Variants in REEP3 observed in about 807,000 individuals in gnomAD.
REEP3 encodes receptor expression-enhancing protein 3.
In REEP3, 20 loss-of-function variants were observed where a neutral mutation model predicts 41.3. That is an observed-to-expected ratio of 0.48 (90% CI 0.34 to 0.70). The LOEUF (loss-of-function observed/expected upper bound fraction) is 0.70. Ranked by LOEUF, REEP3 falls within the 30% of genes least tolerant of loss-of-function variation. The pLI is 0.01. For missense variants in REEP3, 271 were observed against 308.8 expected (o/e 0.88, Z 0.92); for synonymous variants, 104 against 101.8 (o/e 1.02, Z -0.13).
intron 2 of REEP3, among the ~76,000 whole-genome samples, chr10:63,572,499 A>G (rs562146962): frequency 1.2e-4 from 18 of 152,162 alleles, no homozygotes; most frequent in South Asian, 6.2e-4. Flanking sequence ...AGGCCCCAGT[A>G]TGTGATGTTC....
intron 6 of REEP3, among the ~76,000 whole-genome samples, chr10:63,611,772 T>C (rs2133429607): frequency 6.6e-6 from 1 of 150,714 alleles, no homozygotes; most frequent in Non-Finnish European, 1.5e-5. Context: ...GAAAAATATC[T>C]CTGCAAAAAA....
At chr10:63,531,747 C>T (rs779379395) in intron 1 of REEP3, among the ~76,000 whole-genome samples, 4 of 152,084 alleles carry the variant, frequency 2.6e-5, no homozygotes, top group Non-Finnish European at 5.9e-5. Context: ...AGCATCTCCA[C>T]CTGAAAATGG....
intron 2 of REEP3, among the ~76,000 whole-genome samples, chr10:63,584,172 A>G (rs1955981697): frequency 6.6e-6 from 1 of 152,154 alleles, no homozygotes; most frequent in Non-Finnish European, 1.5e-5. Context: ...ATACATTTAT[A>G]TAATGTGAGG....
chr10:63,580,116 G>T (rs577283821), intron 2 of REEP3, among the ~76,000 whole-genome samples: 1 of 152,044 alleles, frequency 6.6e-6, no homozygotes, highest in Admixed American at 6.6e-5. Context: ...TATAATAGCT[G>T]GTTTTCGTTG....
At chr10:63,538,171 C>T (rs1186502092) in intron 1 of REEP3, among the ~76,000 whole-genome samples, 1 of 152,144 alleles carries the variant, frequency 6.6e-6, no homozygotes, top group African/African-American at 2.4e-5. Context: ...GCTTCTGCTT[C>T]TTATTTTTCA....
chr10:63,537,267 T>C (rs1381523897), intron 1 of REEP3, among the ~76,000 whole-genome samples: 2 of 152,226 alleles, frequency 1.3e-5, no homozygotes, highest in East Asian at 1.9e-4. Flanking sequence ...TGATTACCTA[T>C]GGTATGATAG....
intron 5 of REEP3, among the ~76,000 whole-genome samples, chr10:63,609,235 G>A (rs1009479486): frequency 1.4e-5 from 2 of 147,670 alleles, no homozygotes; most frequent in African/African-American, 2.5e-5. Flanking sequence ...GGCGGATCAC[G>A]AGTTCAGGAG....
intron 5 of REEP3, among the ~76,000 whole-genome samples, chr10:63,604,542 T>C (rs1956205508): frequency 6.6e-6 from 1 of 152,192 alleles, no homozygotes; most frequent in African/African-American, 2.4e-5. Context: ...TGTTGAAATC[T>C]AATTAACTTT....
chr10:63,582,678 G>A (rs1456440605), intron 2 of REEP3, among the ~76,000 whole-genome samples: 1 of 152,056 alleles, frequency 6.6e-6, no homozygotes, highest in Non-Finnish European at 1.5e-5. Context: ...CATTTTTTGT[G>A]GCTGGCTCTA....
At chr10:63,550,862 T>A (rs1165619880) in intron 1 of REEP3, among the ~76,000 whole-genome samples, 1 of 152,234 alleles carries the variant, frequency 6.6e-6, no homozygotes, top group Non-Finnish European at 1.5e-5. Flanking sequence ...GGTATTTGCT[T>A]GCTTTCAATG....
intron 5 of REEP3, among the ~76,000 whole-genome samples, chr10:63,601,254 T>C (rs537430001): frequency 2.5e-4 from 38 of 152,312 alleles, no homozygotes; most frequent in African/African-American, 9.1e-4. Context: ...CCATCCATGA[T>C]ACCATCATGA....
chr10:63,562,459 G>A (rs947844310), intron 1 of REEP3: 9 of 426,214 alleles, frequency 2.1e-5, no homozygotes, highest in Admixed American at 8.0e-5. Context: ...GTTTCCCCAC[G>A]TTGGCCAAGC....
At chr10:63,574,159 G>A (rs899034865) in intron 2 of REEP3, among the ~76,000 whole-genome samples, 4 of 152,106 alleles carry the variant, frequency 2.6e-5, no homozygotes, top group Admixed American at 2.0e-4. Context: ...CATACTTATT[G>A]TGCTATTTCT....
intron 1 of REEP3, among the ~76,000 whole-genome samples, chr10:63,537,187 G>A (rs1955482683): frequency 6.6e-6 from 1 of 152,158 alleles, no homozygotes; most frequent in Admixed American, 6.5e-5. Flanking sequence ...CTACTTAGAA[G>A]CCTCAACTTG....
intron 5 of REEP3, among the ~76,000 whole-genome samples, chr10:63,609,759 CTAAATAAA>C (rs901116031): frequency 1.8e-4 from 28 of 151,668 alleles, no homozygotes; most frequent in Admixed American, 7.9e-4. Flanking sequence ...GACTCTGTCT[CTAAATAAA>C]TAAATAAATA....
intron 7 of REEP3, among the ~76,000 whole-genome samples, chr10:63,620,488 G>T (rs1042848669): frequency 6.6e-6 from 1 of 152,174 alleles, no homozygotes; most frequent in African/African-American, 2.4e-5. Flanking sequence ...ATAACATATT[G>T]TCTTTATACC....
At chr10:63,568,367 C>T (rs975847758) in intron 2 of REEP3, among the ~76,000 whole-genome samples, 4 of 151,334 alleles carry the variant, frequency 2.6e-5, no homozygotes, top group Non-Finnish European at 1.5e-5. Context: ...CCCGGGTTCA[C>T]GCCATTCTCC....
chr10:63,522,274 A>G lies in REEP3; in HGVS notation c.32+697A>G, dbSNP rs371638877. Among the ~76,000 whole-genome samples, 10 of 151,882 alleles carry G rather than the reference A, an allele frequency of 6.6e-5. No homozygotes were observed. In the East Asian group the frequency reaches 1.4e-3, roughly 21 times the overall value. On this transcript the variant is annotated intron_variant, in intron 1 of 7. Coordinates refer to ENST00000373758, the MANE Select transcript of REEP3 (RefSeq NM_001001330.3). ...CGAATTCGGCCCTGTCTCGGCGGAA[A>G]TATTTGCTAAGTGATTGAAAGGCTG...
In REEP3 at chr10:63,597,161, G is replaced by A. The variant is rs568304252; in HGVS notation, c.183-863G>A. On this transcript the variant is annotated intron_variant, in intron 3 of 7. Coordinates refer to ENST00000373758, the MANE Select transcript of REEP3 (RefSeq NM_001001330.3). ...GTTGAGGAAGTATACTGGGCCAACG[G>A]GGGAGGCCCACTGTAACACTTTGTA... Among the ~76,000 whole-genome samples the A allele has an allele frequency of 3.3e-5, 5 of 152,294 alleles. No individual in the cohort carries two copies. In the East Asian group the frequency reaches 9.7e-4, roughly 29 times the overall value.
Sources: gnomAD v4.1 joint callset for allele counts (sites outside exome capture counted in the v4.1 genomes callset) on GRCh38, gnomAD v4.1.1 for gene constraint, MANE v1.5 for transcripts, NCBI Gene and HGNC (gene_info 2026-07-23, HGNC 2026-07-21) for gene names.